Variants in RAB31 observed in about 807,000 individuals in gnomAD.
RAB31 encodes the protein ras-related protein Rab-31.
RAB31 carries 21 observed loss-of-function variants against 25.6 expected under a neutral mutation model. The ratio of observed to expected loss-of-function variants is 0.82; its 90% confidence interval spans 0.58 to 1.18. The LOEUF is 1.18. Ranked by LOEUF, RAB31 falls within the 50% of genes most tolerant of loss-of-function variation. RAB31 has a pLI of 0.00. For synonymous variants in RAB31, 87 were observed against 84.0 expected (o/e 1.04, Z -0.20); for missense variants, 196 against 250.1 (o/e 0.78, Z 1.46).
chr18:9,738,470 C>T (rs1290509501), intron 1 of RAB31, among the ~76,000 whole-genome samples: 1 of 152,120 alleles, frequency 6.6e-6, no homozygotes, highest in Non-Finnish European at 1.5e-5. Context: ...TTTAATCAGG[C>T]ATGCCTACGT....
intron 1 of RAB31, among the ~76,000 whole-genome samples, chr18:9,717,992 T>G (rs769562318): frequency 2.6e-5 from 4 of 152,168 alleles, no homozygotes; most frequent in African/African-American, 4.8e-5. Context: ...CCTCCCGGGT[T>G]CAAGCAATGC....
chr18:9,784,636 T>C (rs2145496019), intron 2 of RAB31, among the ~76,000 whole-genome samples: 1 of 150,848 alleles, frequency 6.6e-6, no homozygotes, highest in East Asian at 2.0e-4. Context: ...CACAGCAACC[T>C]CTGACTCCTA....
Position 9,741,667 on chromosome 18 carries a change from G to A in RAB31, c.39+33223G>A, listed in dbSNP as rs12326272. On this transcript the variant is annotated intron_variant, in intron 1 of 6. Transcript: ENST00000578921. ...GTGCAGCACGTACATGTCCATGGCA[G>A]CCCTCGGCTGGATCTCAGGGCTGTG... Among the ~76,000 whole-genome samples the A allele has an allele frequency of 9.3e-3, 1,410 of 152,296 alleles. 21 individuals are homozygous for A. The highest frequency in any genetic ancestry group is 0.031 in the African/African-American group (1,298 of 41,574).
chr18:9,831,420 G>T (rs113536602), intron 5 of RAB31, among the ~76,000 whole-genome samples: 162 of 152,266 alleles, frequency 1.1e-3, no homozygotes, highest in Non-Finnish European at 4.0e-4. Context: ...TTTTGGCTCC[G>T]GCCCTATAGT....
intron 6 of RAB31, among the ~76,000 whole-genome samples, chr18:9,845,897 C>A (rs2068759529): frequency 6.6e-6 from 1 of 152,194 alleles, no homozygotes; most frequent in African/African-American, 2.4e-5. Context: ...TGTACTGGAA[C>A]CTGTTCACTC....
At chr18:9,775,192 C>T (rs1472346359) in intron 1 of RAB31, 86 bp from the exon 2 acceptor site, 1 of 1,594,692 alleles carries the variant, frequency 6.3e-7, no homozygotes, top group Non-Finnish European at 8.6e-7. Flanking sequence ...CAGTCGTGTC[C>T]TCTGGTAATC....
chr18:9,846,087 CT>C (rs1022247426), intron 6 of RAB31, among the ~76,000 whole-genome samples: 2 of 152,152 alleles, frequency 1.3e-5, no homozygotes, highest in African/African-American at 2.4e-5. Context: ...CTTCCAGTAA[CT>C]TTTTTTGCCT....
intron 5 of RAB31, among the ~76,000 whole-genome samples, chr18:9,832,585 G>T (rs987714607): frequency 2.0e-5 from 3 of 152,182 alleles, no homozygotes; most frequent in African/African-American, 7.2e-5. Flanking sequence ...GGAACGGGCC[G>T]CGAATGTCGG....
chr18:9,803,698 T>C (rs1192864654), intron 3 of RAB31, among the ~76,000 whole-genome samples: 1 of 152,216 alleles, frequency 6.6e-6, no homozygotes, highest in Non-Finnish European at 1.5e-5. Context: ...TTAAGCACTT[T>C]ACAGCTGAAG....
chr18:9,830,139 T>C (rs1168424862), intron 5 of RAB31, among the ~76,000 whole-genome samples: 2 of 151,944 alleles, frequency 1.3e-5, no homozygotes, highest in African/African-American at 4.8e-5. Flanking sequence ...TAGCTAGGAC[T>C]ATAGATGTGC....
At chr18:9,785,975 C>T (rs570309600) in intron 2 of RAB31, among the ~76,000 whole-genome samples, 8 of 152,058 alleles carry the variant, frequency 5.3e-5, no homozygotes, top group African/African-American at 1.4e-4. Context: ...GCAGGAGAAT[C>T]GCTTGAACCC....
chr18:9,856,987 T>C (rs2068819405), intron 6 of RAB31, among the ~76,000 whole-genome samples: 1 of 152,100 alleles, frequency 6.6e-6, no homozygotes, highest in Non-Finnish European at 1.5e-5. Flanking sequence ...CTTTTAATTG[T>C]GATAAATTTA....
At chr18:9,743,953 C>A (rs539376717) in intron 1 of RAB31, among the ~76,000 whole-genome samples, 1 of 152,354 alleles carries the variant, frequency 6.6e-6, no homozygotes, top group African/African-American at 2.4e-5. Context: ...GCTCCACTTA[C>A]CTCCTCTATA....
At chr18:9,720,537 G>A (rs1035163701) in intron 1 of RAB31, among the ~76,000 whole-genome samples, 7 of 152,114 alleles carry the variant, frequency 4.6e-5, no homozygotes, top group Non-Finnish European at 7.3e-5. Flanking sequence ...TGCGGAGGGG[G>A]CGTGTCTGGG....
At chr18:9,762,065 C>G (rs1043198074) in intron 1 of RAB31, among the ~76,000 whole-genome samples, 1 of 152,166 alleles carries the variant, frequency 6.6e-6, no homozygotes, top group Non-Finnish European at 1.5e-5. Context: ...GCCTCGGCCT[C>G]CCAAAGTGCT....
intron 6 of RAB31, among the ~76,000 whole-genome samples, chr18:9,858,432 A>G (rs1048221220): frequency 2.0e-5 from 3 of 152,188 alleles, no homozygotes; most frequent in South Asian, 2.1e-4. Context: ...CAAATGTACA[A>G]TTCGGTGGTG....
At chr18:9,776,538 T>C (rs555732219) in intron 2 of RAB31, among the ~76,000 whole-genome samples, 2 of 152,144 alleles carry the variant, frequency 1.3e-5, no homozygotes, top group East Asian at 3.8e-4. Context: ...CATGAAAATA[T>C]CAAGAATTAG....
At chr18:9,857,731 T>A (rs1299748175) in intron 6 of RAB31, among the ~76,000 whole-genome samples, 1 of 146,884 alleles carries the variant, frequency 6.8e-6, no homozygotes, top group African/African-American at 2.5e-5. Context: ...TAGATAGATA[T>A]AGATATTCAT....
chr18:9,810,929 A>C (rs2068567209), intron 3 of RAB31, among the ~76,000 whole-genome samples: 1 of 152,188 alleles, frequency 6.6e-6, no homozygotes, highest in Non-Finnish European at 1.5e-5. Context: ...ACCCTTTGAA[A>C]AGTAGGAATG....
Sources: allele counts gnomAD v4.1 joint callset (sites outside exome capture counted in the v4.1 genomes callset), GRCh38; gene constraint gnomAD v4.1.1; transcripts MANE v1.5; gene names NCBI Gene and HGNC (gene_info 2026-07-23, HGNC 2026-07-21).